Variants in PRR11 observed in about 807,000 individuals in gnomAD.
PRR11 encodes proline-rich protein 11.
PRR11 carries 30 observed loss-of-function variants against 45.6 expected under a neutral mutation model. The observed-to-expected ratio is 0.66, with a 90% confidence interval of 0.49 to 0.89. The LOEUF is 0.89. PRR11 is among the 40% of genes least tolerant of loss of function. The pLI is 0.00. For missense variants in PRR11, 373 were observed against 424.8 expected (o/e 0.88, Z 1.07); for synonymous variants, 128 against 153.5 (o/e 0.83, Z 1.23).
chr17:59,163,367 G>A (rs1033619282), intron 1 of PRR11, among the ~76,000 whole-genome samples: 2 of 152,220 alleles, frequency 1.3e-5, no homozygotes, highest in East Asian at 1.9e-4. Context: ...TTATAGGCAT[G>A]AGCCACCATG....
At chr17:59,168,396 C>T (rs927822453) in intron 1 of PRR11, among the ~76,000 whole-genome samples, 3 of 152,166 alleles carry the variant, frequency 2.0e-5, no homozygotes, top group African/African-American at 7.2e-5. Flanking sequence ...TCTCAAACTC[C>T]TGGCCTCGAG....
intron 1 of PRR11, among the ~76,000 whole-genome samples, chr17:59,163,202 T>C (rs2046662500): frequency 1.3e-5 from 2 of 152,182 alleles, no homozygotes; most frequent in South Asian, 4.1e-4. Context: ...GAGATTCTCC[T>C]GCCTCAGCCT....
rs1323624936 is a variant in PRR11, at chr17:59,157,779, A to C, written c.-6+1974A>C. ...TCAGGATTGTATGCCAGCACCTAGC[A>C]TAGTACTTGGTGGATTATAAGCACT... is the stretch of plus-strand genomic sequence containing the variant. On this transcript the variant is annotated intron_variant, in intron 1 of 9. Coordinates refer to ENST00000262293, the MANE Select transcript of PRR11 (RefSeq NM_018304.4). 2.6e-5 allele frequency among the ~76,000 whole-genome samples: 4 copies of C among 152,170 alleles called. No homozygotes were observed. The East Asian group carries it at 7.7e-4, about 29-fold the overall frequency.
At chr17:59,184,174 G>C (rs1211232467) in intron 2 of PRR11, among the ~76,000 whole-genome samples, 1 of 151,692 alleles carries the variant, frequency 6.6e-6, no homozygotes, top group South Asian at 2.1e-4. Context: ...AAACCTGTCA[G>C]TTCCTGGCCG....
chr17:59,195,248 C>T, intron 6 of PRR11, 83 bp from the exon 7 acceptor site: 2 of 1,048,332 alleles, frequency 1.9e-6, no homozygotes, highest in Non-Finnish European at 1.5e-6. Context: ...ACTCAGCACT[C>T]AGATATTTGC....
intron 9 of PRR11, among the ~76,000 whole-genome samples, chr17:59,199,649 A>G (rs1465134084): frequency 1.3e-5 from 2 of 152,314 alleles, no homozygotes; most frequent in East Asian, 3.9e-4. Context: ...GGCTGCTGGC[A>G]TCTTTGGCTT....
chr17:59,198,258 G>A (rs969892239), intron 9 of PRR11, among the ~76,000 whole-genome samples: 3 of 152,070 alleles, frequency 2.0e-5, no homozygotes, highest in Non-Finnish European at 2.9e-5. Flanking sequence ...AGGATTGGCC[G>A]GGCACAGTGA....
At chr17:59,189,419 C>T (rs182730691) in intron 4 of PRR11, among the ~76,000 whole-genome samples, 3 of 152,060 alleles carry the variant, frequency 2.0e-5, no homozygotes, top group Non-Finnish European at 4.4e-5. Flanking sequence ...CTGCAACCTC[C>T]GCCTTCTGGG....
Position 59,157,708 on chromosome 17 carries a change from CA to C in PRR11, c.-6+1916del, listed in dbSNP as rs112975995. Among the ~76,000 whole-genome samples, 962 of 140,936 alleles carry C rather than the reference CA, an allele frequency of 6.8e-3. 11 individuals are homozygous for C. The highest frequency in any genetic ancestry group is 0.021 in the African/African-American group (822 of 38,596). The allele number at this position is 140,936 out of a possible 152,430, so 92.5% of individuals were successfully genotyped here. A position where few individuals can be genotyped will look rare whatever the true frequency, so the allele number is the denominator to read the frequency against. Reference sequence around the variant, plus strand: ...CAGAGCGAGACTCTGTCCACCCCCCCAAAAAAAAAAAAATTCTAGAAGGACA... The same window carrying C: ...CAGAGCGAGACTCTGTCCACCCCCCCAAAAAAAAAAAATTCTAGAAGGACA... On this transcript the variant is annotated intron_variant, in intron 1 of 9. Transcript: ENST00000262293.
At position 59,204,100 on chromosome 17, in the gene PRR11, A is replaced by G. The variant is rs74470483; in HGVS notation, c.*2469A>G. 13,771 of 152,086 alleles carry G rather than the reference A, an allele frequency of 0.091. 845 individuals carry two copies. The highest frequency in any genetic ancestry group is 0.23 in the South Asian group (1,127 of 4,824). 9.4% of individuals were successfully genotyped at this position (152,086 alleles called of 1,614,324 possible). ...ATTCTTGTGGGATAAGAGATCATTA[A>G]AAAAATGCTAGGGCCGGGCACCATG... On this transcript the variant is annotated 3_prime_UTR_variant, in exon 10 of 10. Transcript: ENST00000262293.
intron 4 of PRR11, among the ~76,000 whole-genome samples, chr17:59,190,787 T>C: frequency 6.6e-6 from 1 of 152,386 alleles, no homozygotes; most frequent in African/African-American, 2.4e-5. Context: ...TAGATTCTTA[T>C]TCTCATAACA....
At position 59,170,762 on chromosome 17, in the gene PRR11, G is replaced by A. The variant is rs1163777870; in HGVS notation, c.128+882G>A. On this transcript the variant is annotated intron_variant, in intron 2 of 9. Coordinates refer to ENST00000262293, the MANE Select transcript of PRR11 (RefSeq NM_018304.4). Reference sequence around the variant, plus strand: ...AAAAATAATGCAGGATTATCTTCTAGAGCTAATTAGTATGATCAAATAACC... The same window carrying A: ...AAAAATAATGCAGGATTATCTTCTAAAGCTAATTAGTATGATCAAATAACC... Among the ~76,000 whole-genome samples the A allele has an allele frequency of 5.3e-5, 8 of 152,060 alleles. No homozygotes were observed. In the East Asian group the frequency reaches 1.5e-3, roughly 29 times the overall value.
At chr17:59,170,025 G>A (rs985427346) in intron 2 of PRR11, 145 bp downstream of exon 2, 2 of 1,090,198 alleles carry the variant, frequency 1.8e-6, no homozygotes, top group Non-Finnish European at 2.5e-6. Context: ...GGCCGAGGTG[G>A]GTGGATTACC....
chr17:59,178,223 G>C (rs1473384356), intron 2 of PRR11, among the ~76,000 whole-genome samples: 4 of 152,136 alleles, frequency 2.6e-5, no homozygotes, highest in Non-Finnish European at 5.9e-5. Context: ...AATCCCAGCT[G>C]CTTGGGAGGC....
chr17:59,188,942 A>AAATAAT (rs56917280), intron 4 of PRR11, among the ~76,000 whole-genome samples: 26,021 of 144,188 alleles, frequency 0.18, 2,763 homozygotes, highest in Middle Eastern at 0.35. Flanking sequence ...TGTGTCTCAA[A>AAATAAT]AATAATAATA....
chr17:59,179,536 G>A (rs1448330555), intron 2 of PRR11: 3 of 1,362,812 alleles, frequency 2.2e-6, no homozygotes, highest in Non-Finnish European at 2.0e-6. Flanking sequence ...CCTCCCGCAT[G>A]GAGAGCTCAC....
intron 2 of PRR11, 103 bp from the exon 3 acceptor site, chr17:59,184,951 C>T: frequency 9.6e-7 from 1 of 1,037,568 alleles, no homozygotes; most frequent in Non-Finnish European, 1.4e-6. Context: ...CTCACCTCAG[C>T]CTCCCAAAGT....
intron 1 of PRR11, among the ~76,000 whole-genome samples, chr17:59,168,143 T>TTTTTATTTTATTTTATTTTATTTTA (rs149225177): frequency 2.7e-5 from 4 of 150,808 alleles, no homozygotes; most frequent in African/African-American, 9.8e-5. Context: ...CTAGGTAATG[T>TTTTTATTTTATTTTATTTTATTTTA]TTTTATTTTA....
intron 4 of PRR11, among the ~76,000 whole-genome samples, chr17:59,186,198 A>T (rs946672069): frequency 6.6e-6 from 1 of 151,990 alleles, no homozygotes; most frequent in African/African-American, 2.4e-5. Context: ...TCCTGGGCTC[A>T]AGTGATCCTC....
Sources: gnomAD v4.1 joint callset for allele counts (sites outside exome capture counted in the v4.1 genomes callset) on GRCh38, gnomAD v4.1.1 for gene constraint, MANE v1.5 for transcripts, NCBI Gene and HGNC (gene_info 2026-07-23, HGNC 2026-07-21) for gene names.